Variants in C2CD2 observed in about 807,000 individuals in gnomAD.
The protein encoded by C2CD2 is C2 domain-containing protein 2.
A neutral mutation model predicts 74.3 loss-of-function variants in C2CD2; 43 were observed. That is an observed-to-expected ratio of 0.58 (90% confidence interval 0.45 to 0.75). The LOEUF (loss-of-function observed/expected upper bound fraction) is 0.75, where lower values mean the gene tolerates loss of function less well. Among genes scored for constraint, C2CD2 ranks in the 30% least tolerant of loss-of-function variants. The probability of loss-of-function intolerance (pLI) is 0.00; values close to 1 mark genes in which losing one functional copy is unlikely to be tolerated. For synonymous variants in C2CD2, 422 were observed against 390.7 expected (o/e 1.08, Z -0.94); for missense variants, 801 against 916.3 (o/e 0.87, Z 1.63).
intron 7 of C2CD2, chr21:41,912,036 A>G (rs976067240): frequency 6.0e-5 from 17 of 284,774 alleles, no homozygotes; most frequent in Non-Finnish European, 1.1e-4. Flanking sequence ...TTCTGGATTC[A>G]GTCAGAGGCT....
rs1195252776 is a variant in C2CD2, at chr21:41,929,501, A to C, written c.379-7416T>G. 6.6e-6 allele frequency among the ~76,000 whole-genome samples: 1 copy of C among 151,262 alleles called. No individual in the cohort carries two copies. Among genetic ancestry groups the C allele is most frequent in the Non-Finnish European group, 1.5e-5 (1 of 67,398 alleles). On this transcript the variant is annotated intron_variant, in intron 2 of 13. Coordinates refer to ENST00000380486, the MANE Select transcript of C2CD2 (RefSeq NM_015500.2). This position sits in a 1 kb window ranked among gnomAD's most constrained non-coding sequence, Gnocchi z 4.6. Reference sequence around the variant, plus strand: ...ACCCTGTGGCTCAGAGAAAGAAGGAAGTGCCCTAAACGAGCCCAGATCCAA... The same window carrying C: ...ACCCTGTGGCTCAGAGAAAGAAGGACGTGCCCTAAACGAGCCCAGATCCAA...
chr21:41,896,744 T>C (rs1555899710), intron 13 of C2CD2, among the ~76,000 whole-genome samples: 6 of 150,082 alleles, frequency 4.0e-5, no homozygotes, highest in Non-Finnish European at 8.9e-5. Flanking sequence ...CTTTAGTTTT[T>C]AAAAAAAGAC....
chr21:41,942,932 G>A (rs1350624593), intron 1 of C2CD2: 1 of 982,836 alleles, frequency 1.0e-6, no homozygotes, highest in Non-Finnish European at 1.2e-6. Context: ...CTGTGCCCGT[G>A]GCTCTGCATG....
intron 12 of C2CD2, among the ~76,000 whole-genome samples, chr21:41,900,152 T>G (rs111345073): frequency 9.2e-5 from 14 of 152,006 alleles, no homozygotes; most frequent in African/African-American, 3.4e-4. Flanking sequence ...CGGGCGCCTG[T>G]ACTCCCAGCT....
At position 41,924,920 on chromosome 21, in the gene C2CD2, A is replaced by G. The variant is rs1420079651; in HGVS notation, c.379-2835T>C. Among the ~76,000 whole-genome samples the G allele has an allele frequency of 2.0e-5, 3 of 152,232 alleles. No individual in the cohort carries two copies. The highest frequency in any genetic ancestry group is 4.4e-5 in the Non-Finnish European group (3 of 68,046). Reference sequence around the variant, plus strand: ...ACAGAGAACCAAGCACTTGATTAAAAGCAAGCAAATAAATAAGTAAATAGA... The same window carrying G: ...ACAGAGAACCAAGCACTTGATTAAAGGCAAGCAAATAAATAAGTAAATAGA... On this transcript the variant is annotated intron_variant, in intron 2 of 13. Coordinates refer to ENST00000380486, the MANE Select transcript of C2CD2 (RefSeq NM_015500.2). The surrounding 1 kb of genome is among the most constrained non-coding windows in gnomAD (Gnocchi z 4.4).
chr21:41,927,169 T>C (rs1019700192), intron 2 of C2CD2, among the ~76,000 whole-genome samples: 2 of 152,238 alleles, frequency 1.3e-5, no homozygotes, highest in Non-Finnish European at 2.9e-5. Flanking sequence ...GATGTATTTT[T>C]ATTTATTTAT....
intron 6 of C2CD2, 64 bp downstream of exon 6, chr21:41,914,534 C>T (rs751290674): frequency 7.1e-5 from 106 of 1,494,232 alleles, no homozygotes; most frequent in Admixed American, 2.2e-4. Context: ...CCCCCCGGAG[C>T]CCCCGACTCT....
At chr21:41,938,742 C>CTT (rs58050288) in intron 2 of C2CD2, among the ~76,000 whole-genome samples, 10 of 139,068 alleles carry the variant, frequency 7.2e-5, no homozygotes, top group East Asian at 4.2e-4. Context: ...CTTGCTTTCT[C>CTT]TTTTTTTTTT....
intron 7 of C2CD2, among the ~76,000 whole-genome samples, chr21:41,910,782 G>T (rs1015346743): frequency 6.6e-6 from 1 of 151,736 alleles, no homozygotes; most frequent in Non-Finnish European, 1.5e-5. Flanking sequence ...TTAATACTTT[G>T]GTACTCAGCT....
intron 1 of C2CD2, among the ~76,000 whole-genome samples, chr21:41,942,764 C>G (rs1011931860): frequency 6.6e-6 from 1 of 152,138 alleles, no homozygotes; most frequent in Non-Finnish European, 1.5e-5. Flanking sequence ...GCCCCCCATT[C>G]TCCTCTCCTA....
At chr21:41,918,546 C>G (rs1187026840) in intron 4 of C2CD2, among the ~76,000 whole-genome samples, 1 of 152,060 alleles carries the variant, frequency 6.6e-6, no homozygotes, top group African/African-American at 2.4e-5. Context: ...TCATCCCCAG[C>G]CAATTAAACC....
rs1179216047 is a variant in C2CD2 at position 41,886,300 on chromosome 21, AC to A, written c.*2823del. On this transcript the variant is annotated 3_prime_UTR_variant, in exon 14 of 14. Coordinates refer to ENST00000380486, the MANE Select transcript of C2CD2 (RefSeq NM_015500.2). The stretch of plus-strand genomic sequence containing the variant: ...AGGTGAGGCGATAAAGGTGATTTAC[AC>A]ATCAGTATTTTTAGCATTTGGTGGA... 6.6e-6 allele frequency: 1 copy of A among 152,248 alleles called. No homozygotes were observed. Among genetic ancestry groups the A allele is most frequent in the Non-Finnish European group, 1.5e-5 (1 of 68,038 alleles). 9.4% of individuals were successfully genotyped at this position (152,248 alleles called of 1,614,324 possible). A position where few individuals can be genotyped will look rare whatever the true frequency, so the allele number is the denominator to read the frequency against.
intron 13 of C2CD2, among the ~76,000 whole-genome samples, chr21:41,892,000 CAT>C (rs1470413825): frequency 6.7e-6 from 1 of 149,770 alleles, no homozygotes; most frequent in Non-Finnish European, 1.5e-5. Context: ...CACCCAAATT[CAT>C]ATGTTACAGT....
chr21:41,898,349 G>A (rs955894164), intron 13 of C2CD2, among the ~76,000 whole-genome samples: 1 of 152,150 alleles, frequency 6.6e-6, no homozygotes, highest in African/African-American at 2.4e-5. Context: ...GCTGAGGCTC[G>A]GTGAGTCTCA....
chr21:41,939,567 T>C lies in C2CD2; in HGVS notation c.378+2580A>G, dbSNP rs7280140. Among the ~76,000 whole-genome samples the C allele has an allele frequency of 1.8e-4, 27 of 152,114 alleles. No homozygotes were observed. Among genetic ancestry groups the C allele is most frequent in the Non-Finnish European group, 3.8e-4 (26 of 68,018 alleles). ...GGCCCACGGCTCTCTGCACCTCAGC[T>C]CCCAAGAGTATAAAATGGGCACTGG... On this transcript the variant is annotated intron_variant, in intron 2 of 13. Coordinates refer to ENST00000380486, the MANE Select transcript of C2CD2 (RefSeq NM_015500.2). The surrounding 1 kb of genome is among the most constrained non-coding windows in gnomAD (Gnocchi z 5.5).
At chr21:41,932,282 C>T (rs1007288601) in intron 2 of C2CD2, among the ~76,000 whole-genome samples, 2 of 150,112 alleles carry the variant, frequency 1.3e-5, no homozygotes, top group Non-Finnish European at 3.0e-5. Context: ...TGCCCTCCCC[C>T]TCCGCCCGCC....
rs370522003 is a variant in C2CD2 at position 41,914,551 on chromosome 21, G to A, written c.844+47C>T. On this transcript the variant is annotated intron_variant, in intron 6 of 13. Coordinates refer to ENST00000380486, the MANE Select transcript of C2CD2 (RefSeq NM_015500.2). ...CCCCGGAGCCCCCGACTCTGCTCAG[G>A]GGCTGGAAGAGCCCCTCCAGGCAGG... is the stretch of plus-strand genomic sequence containing the variant. The A allele has an allele frequency of 3.0e-5, 47 of 1,588,044 alleles. No homozygotes were observed. The African/African-American group carries it at 5.7e-4, about 19-fold the overall frequency.
chr21:41,893,409 T>G (rs2064780336), intron 13 of C2CD2, among the ~76,000 whole-genome samples: 1 of 152,182 alleles, frequency 6.6e-6, no homozygotes, highest in African/African-American at 2.4e-5. Flanking sequence ...TGCCTAAAAT[T>G]CTAATTCTTG....
Position 41,948,935 on chromosome 21 carries a change from T to C in C2CD2, c.279+4435A>G, listed in dbSNP as rs903385548. 6.0e-4 allele frequency among the ~76,000 whole-genome samples: 88 copies of C among 147,034 alleles called. 1 individual carries two copies. The highest frequency in any genetic ancestry group is 2.2e-3 in the African/African-American group (88 of 40,032). ...CCATAATGATCATAGTCTTGATCATTTGCAATTAGAACATACCTCTAAAGA... is the reference window on the plus strand; with the variant it reads ...CCATAATGATCATAGTCTTGATCATCTGCAATTAGAACATACCTCTAAAGA... On this transcript the variant is annotated intron_variant, in intron 1 of 13. Coordinates refer to ENST00000380486, the MANE Select transcript of C2CD2 (RefSeq NM_015500.2).
Sources: allele counts gnomAD v4.1 joint callset (sites outside exome capture counted in the v4.1 genomes callset), GRCh38; gene constraint gnomAD v4.1.1; non-coding constraint Gnocchi (gnomAD v3.1); transcripts MANE v1.5; gene names NCBI Gene and HGNC (gene_info 2026-07-23, HGNC 2026-07-21).